NUTM1: variants seen among roughly 807,000 people sequenced by gnomAD.
NUTM1 encodes the protein NUT family member 1.
Under a neutral mutation model 88.7 loss-of-function variants are expected in NUTM1, and 39 were observed. The ratio of observed to expected loss-of-function variants is 0.44; its 90% CI spans 0.34 to 0.57. NUTM1 has a LOEUF of 0.57. Ranked by LOEUF, NUTM1 falls within the 20% of genes least tolerant of loss-of-function variation. The pLI, the probability that NUTM1 is intolerant of heterozygous loss-of-function variation, is 0.01. For missense variants in NUTM1, 1,350 were observed against 1,414.5 expected, an observed-to-expected ratio of 0.95 and a Z score of 0.73; for synonymous variants, 494 against 538.0, an observed-to-expected ratio of 0.92 and a Z score of 1.13.
rs1290547697 is a variant in NUTM1 at position 34,348,287 on chromosome 15, C to T, written c.419C>T (p.Thr140Ile). ...SQTQNFILTQ[T>I]ALNSTAPGTP... Reference sequence around the variant, plus strand: ...ACTCAGAACTTTATCCTTACTCAGACTGCCCTCAATTCGACTGCCCCGGGC... The same window carrying T: ...ACTCAGAACTTTATCCTTACTCAGATTGCCCTCAATTCGACTGCCCCGGGC... The change falls in exon 3 of 8, where the codon ACT becomes ATT. Residue 140 changes from threonine to isoleucine, a missense_variant. Around this residue, in one of 5 missense-constraint regions of NUTM1, gnomAD observed 399 missense variants for 397.9 expected, o/e 1.00. Coordinates refer to ENST00000537011, the MANE Select transcript of NUTM1 (RefSeq NM_001284292.2). 3 of 1,614,274 alleles carry T rather than the reference C, an allele frequency of 1.9e-6. No individual in the cohort carries two copies. Among genetic ancestry groups the T allele is most frequent in the Admixed American group, 1.7e-5 (1 of 60,032 alleles).
At position 34,356,727 on chromosome 15, in the gene NUTM1, G is replaced by A; in HGVS notation, c.2719G>A (p.Glu907Lys). The A allele has an allele frequency of 6.2e-7, 1 of 1,613,390 alleles. No homozygotes were observed. The highest frequency in any genetic ancestry group is 1.1e-5 in the South Asian group (1 of 91,028). Residue 907 changes from glutamate to lysine, a missense_variant, in exon 8 of 8, where the codon GAA becomes AAA. This residue lies in a region of NUTM1 where 730 missense variants were observed against 728.8 expected (regional missense o/e 1.00). Transcript: ENST00000537011. ...GACTGAGGATGCCTCCTCCTTGCCT[G>A]AAGCCAGTCAAGAGGCAGGGAGCAG... is the stretch of plus-strand genomic sequence containing the variant. ...MGTEDASSLPEASQEAGSRGN... is the reference protein window; with the variant it reads ...MGTEDASSLPKASQEAGSRGN...
At chr15:34,347,412 C>T (rs538429788) in intron 2 of NUTM1, among the ~76,000 whole-genome samples, 5 of 151,984 alleles carry the variant, frequency 3.3e-5, no homozygotes, top group Admixed American at 1.3e-4. Flanking sequence ...TGCATGCCAC[C>T]GCACCTGGCT....
intron 4 of NUTM1, 78 bp downstream of exon 4, chr15:34,350,910 G>C (rs1367383243): frequency 3.4e-5 from 52 of 1,548,804 alleles, no homozygotes; most frequent in Admixed American, 5.2e-5. Flanking sequence ...AGACTTGTGT[G>C]GGGGTGATTA....
rs1223873763 is a variant in NUTM1 at position 34,348,501 on chromosome 15, T to G, written c.633T>G (p.His211Gln). 6.2e-7 allele frequency: 1 copy of G among 1,614,198 alleles called. No individual in the cohort carries two copies. Among genetic ancestry groups the G allele is most frequent in the Non-Finnish European group, 8.5e-7 (1 of 1,180,014 alleles). ...VPLEKAWPGP[H>Q]GTTGEGGPVA... is the part of the protein sequence containing the mutation. ...TGGAAAAAGCTTGGCCAGGGCCACA[T>G]GGGACAACCGGGGAAGGAGGTCCTG... The change falls in exon 3 of 8, where the codon CAT (histidine) becomes CAG (glutamine). Residue 211 changes from histidine to glutamine, a missense_variant. By Grantham distance (24) the His-to-Gln change is conservative. Coordinates refer to ENST00000537011, the MANE Select transcript of NUTM1 (RefSeq NM_001284292.2).
chr15:34,352,877 CTTTTTTTTTT>C (rs778786955), intron 4 of NUTM1, among the ~76,000 whole-genome samples: 1 of 52,804 alleles, frequency 1.9e-5, no homozygotes, highest in Non-Finnish European at 3.4e-5. Context: ...TCATTCTTAA[CTTTTTTTTTT>C]TTTTTTTTTT....
rs769613509 is a variant in NUTM1, at chr15:34,357,563, G to A, written c.*72G>A. The A allele has an allele frequency of 3.7e-6, 6 of 1,606,764 alleles. No individual in the cohort carries two copies. Among genetic ancestry groups the A allele is most frequent in the Non-Finnish European group, 5.1e-6 (6 of 1,179,730 alleles). On this transcript the variant is annotated 3_prime_UTR_variant, in exon 8 of 8. Coordinates refer to ENST00000537011, the MANE Select transcript of NUTM1 (RefSeq NM_001284292.2). ...GTGCCCCAGAGTAGATTCCACCCCT[G>A]CTGCCCACCAATGGAGAATCCCAAT...
At position 34,350,796 on chromosome 15, in the gene NUTM1, A is replaced by C. The variant is rs775054107; in HGVS notation, c.902A>C (p.Asn301Thr). 6.2e-7 allele frequency: 1 copy of C among 1,614,110 alleles called. No individual in the cohort carries two copies. Among genetic ancestry groups the C allele is most frequent in the South Asian group, 1.1e-5 (1 of 91,074 alleles). ...LAVQEWEHTS[N>T]FDRMIFYEMA... ...GTGCAGGAGTGGGAGCACACCAGCA[A>C]CTTTGACCGGATGATCTTTTATGAG... Residue 301 changes from asparagine (N) to threonine (T), a missense_variant, in exon 4 of 8, where the codon AAC becomes ACC. Coordinates refer to ENST00000537011, the MANE Select transcript of NUTM1 (RefSeq NM_001284292.2).
At chr15:34,353,037 C>T (rs987652074) in intron 4 of NUTM1, among the ~76,000 whole-genome samples, 1 of 151,380 alleles carries the variant, frequency 6.6e-6, no homozygotes, top group Non-Finnish European at 1.5e-5. Context: ...AGGCACCCAC[C>T]ACCACATCAG....
intron 2 of NUTM1, among the ~76,000 whole-genome samples, chr15:34,346,772 A>G (rs1424533002): frequency 1.4e-5 from 2 of 146,250 alleles, no homozygotes; most frequent in Non-Finnish European, 3.0e-5. Flanking sequence ...AATCCCAGCT[A>G]CTTGCGGGGC....
At chr15:34,347,910 T>G in intron 2 of NUTM1, 59 bp from the exon 3 acceptor site, 1 of 923,104 alleles carries the variant, frequency 1.1e-6, no homozygotes, top group Non-Finnish European at 1.6e-6. Flanking sequence ...GGAATTCAGA[T>G]GGCTAACTCT....
At chr15:34,344,665 A>T (rs1890552713) in intron 1 of NUTM1, among the ~76,000 whole-genome samples, 1 of 152,232 alleles carries the variant, frequency 6.6e-6, no homozygotes, top group Non-Finnish European at 1.5e-5. Context: ...ACTTATTGCT[A>T]TGTATTTTAT....
At chr15:34,345,087 T>G (rs1342452972) in intron 1 of NUTM1, among the ~76,000 whole-genome samples, 1 of 152,126 alleles carries the variant, frequency 6.6e-6, no homozygotes, top group Non-Finnish European at 1.5e-5. Flanking sequence ...CCTTCAGGTC[T>G]TTAGAAAAGA....
Position 34,343,566 on chromosome 15 carries a change from T to C in NUTM1, c.-131T>C, listed in dbSNP as rs924718902. On this transcript the variant is annotated 5_prime_UTR_variant, in exon 1 of 8. The change abolishes an upstream ATG in the 5' untranslated region. Transcript: ENST00000537011. ...ATTTCAAAGCGTTGGCGGTAAAGAA[T>C]GCATGTTGAGTATCAATATTCCGTA... The C allele has an allele frequency of 2.0e-6, 3 of 1,531,478 alleles. No homozygotes were observed. The highest frequency in any genetic ancestry group is 2.6e-6 in the Non-Finnish European group (3 of 1,143,814). The allele number at this position is 1,531,478 out of a possible 1,614,324, so 94.9% of individuals were successfully genotyped here.
chr15:34,352,078 G>A (rs964458284), intron 4 of NUTM1, among the ~76,000 whole-genome samples: 5 of 152,208 alleles, frequency 3.3e-5, no homozygotes, highest in African/African-American at 1.2e-4. Flanking sequence ...GCTGAGGCAG[G>A]AGAATCGCTT....
intron 5 of NUTM1, 116 bp downstream of exon 5, chr15:34,353,988 G>A: frequency 1.7e-5 from 20 of 1,198,430 alleles, no homozygotes; most frequent in Non-Finnish European, 2.2e-5. Flanking sequence ...TCCCTCTGGA[G>A]AGTGGCATTT....
At chr15:34,346,414 C>T (rs1383000905) in intron 2 of NUTM1, among the ~76,000 whole-genome samples, 1 of 151,010 alleles carries the variant, frequency 6.6e-6, no homozygotes, top group Non-Finnish European at 1.5e-5. Context: ...CTTTTTTAGG[C>T]AACTGGAGCC....
chr15:34,356,163 G>T lies in NUTM1; in HGVS notation c.2155G>T (p.Asp719Tyr). 6.2e-7 allele frequency: 1 copy of T among 1,611,762 alleles called. No homozygotes were observed. Among genetic ancestry groups the T allele is most frequent in the South Asian group, 1.1e-5 (1 of 91,016 alleles). Residue 719 changes from aspartate to tyrosine, a missense_variant, in exon 8 of 8, where the codon GAT becomes TAT. Asp to Tyr is a radical substitution (Grantham distance 160). This residue lies in a region of NUTM1 where 730 missense variants were observed against 728.8 expected (regional missense o/e 1.00). Transcript: ENST00000537011. Reference sequence around the variant, plus strand: ...AGGCTCTTCAGGAGCCATGTGGGGAGATGACAGAGGTACCCCCATGGCTCA... The same window carrying T: ...AGGCTCTTCAGGAGCCATGTGGGGATATGACAGAGGTACCCCCATGGCTCA... Reference protein sequence around the residue: ...WEGSSGAMWGDDRGTPMAQSY... With the variant: ...WEGSSGAMWGYDRGTPMAQSY...
intron 5 of NUTM1, 49 bp from the exon 6 acceptor site, chr15:34,354,397 C>T (rs1283348786): frequency 1.3e-6 from 2 of 1,572,506 alleles, no homozygotes; most frequent in African/African-American, 2.7e-5. Context: ...GAGGCAGAAT[C>T]TGTGGTTTCT....
At chr15:34,344,109 C>A (rs1397728383) in intron 1 of NUTM1, among the ~76,000 whole-genome samples, 2 of 151,462 alleles carry the variant, frequency 1.3e-5, no homozygotes, top group African/African-American at 4.9e-5. Flanking sequence ...GTAGTCCCAG[C>A]TACTTCAGAG....
Sources: allele counts gnomAD v4.1 joint callset (sites outside exome capture counted in the v4.1 genomes callset), GRCh38; gene constraint gnomAD v4.1.1; regional missense constraint gnomAD v4.1.1; transcripts MANE v1.5; gene names NCBI Gene and HGNC (gene_info 2026-07-23, HGNC 2026-07-21).